CHD9: variants seen among roughly 807,000 people sequenced by gnomAD.
CHD9 encodes ATP-dependent chromatin remodeler CHD9.
Under a neutral mutation model 316.1 loss-of-function variants are expected in CHD9, and 77 were observed. The ratio of observed to expected loss-of-function variants is 0.24; its 90% CI spans 0.20 to 0.29. The LOEUF (loss-of-function observed/expected upper bound fraction) is 0.29. Ranked by LOEUF, CHD9 falls within the 10% of genes least tolerant of loss-of-function variation. CHD9 has a pLI of 1.00. For missense variants in CHD9, 2,763 were observed against 3,438.1 expected (o/e 0.80, Z 4.91); for synonymous variants, 1,129 against 1,158.3 (o/e 0.97, Z 0.51).
At chr16:53,138,608 T>C (rs146798690) in intron 1 of CHD9, among the ~76,000 whole-genome samples, 197 of 152,318 alleles carry the variant, frequency 1.3e-3, no homozygotes, top group African/African-American at 4.5e-3. Context: ...ATGTAATAAA[T>C]GGGGACACAT....
intron 1 of CHD9, among the ~76,000 whole-genome samples, chr16:53,114,614 G>A (rs2038136815): frequency 6.7e-6 from 1 of 149,908 alleles, no homozygotes; most frequent in Admixed American, 6.7e-5. Flanking sequence ...TTGAGACGGA[G>A]TCTCGCTCTG....
chr16:53,131,754 G>A lies in CHD9; in HGVS notation c.-164-24172G>A, dbSNP rs563902761. Among the ~76,000 whole-genome samples the A allele has an allele frequency of 2.0e-5, 3 of 152,008 alleles. No individual in the cohort carries two copies. In the South Asian group the frequency reaches 6.2e-4, roughly 31 times the overall value. On this transcript the variant is annotated intron_variant, in intron 1 of 38. Transcript: ENST00000447540. Reference sequence around the variant, plus strand: ...TTCTCGCCTCCGTGAGTCATGACAGGGCGTCCCGCGCGGGCACCCGACGTC... The same window carrying A: ...TTCTCGCCTCCGTGAGTCATGACAGAGCGTCCCGCGCGGGCACCCGACGTC...
chr16:53,305,261 A>G (rs1382752286), intron 31 of CHD9, among the ~76,000 whole-genome samples: 1 of 151,512 alleles, frequency 6.6e-6, no homozygotes, highest in Non-Finnish European at 1.5e-5. Context: ...GGGTTTCACC[A>G]TGTTGGCCAG....
intron 2 of CHD9, among the ~76,000 whole-genome samples, chr16:53,199,417 T>C (rs2045240397): frequency 6.6e-6 from 1 of 152,182 alleles, no homozygotes; most frequent in Non-Finnish European, 1.5e-5. Flanking sequence ...ATTTTGAAAA[T>C]AAAAATTTCA....
At chr16:53,185,082 G>T (rs552988067) in intron 2 of CHD9, among the ~76,000 whole-genome samples, 6 of 152,262 alleles carry the variant, frequency 3.9e-5, no homozygotes, top group South Asian at 4.2e-4. Context: ...CAGTAAATTG[G>T]TACCAAAGAG....
At chr16:53,202,384 TTCTC>T (rs546041066) in intron 2 of CHD9, among the ~76,000 whole-genome samples, 12 of 151,962 alleles carry the variant, frequency 7.9e-5, no homozygotes, top group East Asian at 5.8e-4. Context: ...TCTTTTAAGT[TTCTC>T]TCTCTCTCTT....
rs201017815 is a variant in CHD9 at position 53,324,448 on chromosome 16, G to T, written c.8247G>T (p.Glu2749Asp). 3.0e-4 allele frequency: 484 copies of T among 1,613,902 alleles called. 2 individuals are homozygous for T. Among genetic ancestry groups the T allele is most frequent in the Non-Finnish European group, 3.7e-4 (441 of 1,179,902 alleles). ...TEDKKGSDSK[E>D]SEGKTERTES... Reference sequence around the variant, plus strand: ...ACAAAAAGGGAAGTGACTCTAAGGAGTCAGAAGGAAAAACAGAAAGGACAG... The same window carrying T: ...ACAAAAAGGGAAGTGACTCTAAGGATTCAGAAGGAAAAACAGAAAGGACAG... The change falls in exon 39 of 39, where the codon GAG (glutamate) becomes GAT (aspartate). Residue 2749 changes from glutamate to aspartate, a missense_variant. By Grantham distance (45) the Glu-to-Asp change is conservative. Around this residue, in one of 15 missense-constraint regions of CHD9, gnomAD observed 298 missense variants for 380.2 expected, o/e 0.78. Coordinates refer to ENST00000447540, the MANE Select transcript of CHD9 (RefSeq NM_001308319.2).
chr16:53,190,727 A>G (rs776888813), intron 2 of CHD9, among the ~76,000 whole-genome samples: 10 of 151,976 alleles, frequency 6.6e-5, no homozygotes, highest in Non-Finnish European at 1.0e-4. Context: ...TTGTACCTCT[A>G]TGTAATAGGT....
intron 2 of CHD9, among the ~76,000 whole-genome samples, chr16:53,189,739 T>G (rs2044328258): frequency 6.6e-6 from 1 of 152,140 alleles, no homozygotes; most frequent in Non-Finnish European, 1.5e-5. Context: ...CAAAATATTT[T>G]TATAGCCTTT....
At chr16:53,110,026 A>G (rs932954503) in intron 1 of CHD9, among the ~76,000 whole-genome samples, 6 of 152,070 alleles carry the variant, frequency 3.9e-5, no homozygotes, top group African/African-American at 1.4e-4. Flanking sequence ...TTCTAGCAAC[A>G]TTGAACTCTT....
intron 20 of CHD9, among the ~76,000 whole-genome samples, chr16:53,265,050 A>G (rs2051517006): frequency 6.6e-6 from 1 of 152,176 alleles, no homozygotes; most frequent in Admixed American, 6.6e-5. Flanking sequence ...AAAATTAAGG[A>G]CTTTTCTGAA....
intron 30 of CHD9, 60 bp downstream of exon 30, chr16:53,297,218 G>C: frequency 8.0e-7 from 1 of 1,256,306 alleles, no homozygotes; most frequent in Non-Finnish European, 1.1e-6. Context: ...ACTAAAATTC[G>C]GAAATTTCCA....
chr16:53,279,975 A>T (rs2053245542), intron 24 of CHD9, among the ~76,000 whole-genome samples: 1 of 152,232 alleles, frequency 6.6e-6, no homozygotes, highest in African/African-American at 2.4e-5. Context: ...ACAATGTGAT[A>T]CTGCCTTACT....
intron 1 of CHD9, among the ~76,000 whole-genome samples, chr16:53,126,586 CTTTTTTTTTT>C (rs200069064): frequency 7.4e-4 from 87 of 117,652 alleles, no homozygotes; most frequent in Non-Finnish European, 1.2e-3. Flanking sequence ...TTTCAGGATC[CTTTTTTTTTT>C]TTTTTTTTTG....
At chr16:53,306,444 T>C (rs1378820918) in intron 32 of CHD9, 47 bp downstream of exon 32, 1 of 1,430,542 alleles carries the variant, frequency 7.0e-7, no homozygotes, top group Non-Finnish European at 9.3e-7. Context: ...TTAGTATTTT[T>C]CTATATTGCT....
At position 53,304,403 on chromosome 16, in the gene CHD9, G is replaced by A. The variant is rs747418537; in HGVS notation, c.6397G>A (p.Asp2133Asn). 57 of 1,610,292 alleles carry A rather than the reference G, an allele frequency of 3.5e-5. No homozygotes were observed. The highest frequency in any genetic ancestry group is 4.5e-5 in the Non-Finnish European group (53 of 1,178,376). ...CAAAAGGGGATCAGAATCTAGTTCT[G>A]ATTCTGACTCAGATTCTGAGAGATC... ...VHKRGSESSS[D>N]SDSDSERSSC... Residue 2133 changes from aspartate (D) to asparagine (N), a missense_variant, in exon 31 of 39, where the codon GAT (aspartate) becomes AAT (asparagine). Physicochemically the swap from Asp to Asn is conservative, Grantham distance 23 (BLOSUM62 1). Transcript: ENST00000447540.
Position 53,209,677 on chromosome 16 carries a change from A to G in CHD9, c.1648A>G (p.Ser550Gly), listed in dbSNP as rs767212286. The G allele has an allele frequency of 3.0e-5, 49 of 1,613,842 alleles. 1 individual carries two copies. The South Asian group carries it at 5.4e-4, about 18-fold the overall frequency. Residue 550 changes from serine (S) to glycine (G), a missense_variant, in exon 3 of 39, where the codon AGC becomes GGC. Coordinates refer to ENST00000447540, the MANE Select transcript of CHD9 (RefSeq NM_001308319.2). ...RGERNIPRVM[S>G]PENFPTASVE... is the part of the protein sequence containing the mutation. ...GGAACGCAATATTCCACGAGTAATG[A>G]GCCCTGAAAACTTTCCTACTGCTTC...
At chr16:53,192,946 CT>C (rs763299437) in intron 2 of CHD9, among the ~76,000 whole-genome samples, 3 of 151,704 alleles carry the variant, frequency 2.0e-5, no homozygotes, top group Admixed American at 6.6e-5. Flanking sequence ...GTATATACAG[CT>C]TTTTTTTGTT....
At chr16:53,187,487 G>A in intron 2 of CHD9, among the ~76,000 whole-genome samples, 1 of 152,054 alleles carries the variant, frequency 6.6e-6, no homozygotes, top group East Asian at 1.9e-4. Flanking sequence ...CCTGGGCAGA[G>A]CAAGACCCTG....
Sources: allele counts gnomAD v4.1 joint callset (sites outside exome capture counted in the v4.1 genomes callset), GRCh38; gene constraint gnomAD v4.1.1; regional missense constraint gnomAD v4.1.1; transcripts MANE v1.5; gene names NCBI Gene and HGNC (gene_info 2026-07-23, HGNC 2026-07-21).